The following ITPR3 variants were observed in gnomAD, a reference collection of about 807,000 sequenced individuals.
The protein encoded by ITPR3 is inositol 1,4,5-trisphosphate receptor type 3, also known as inositol 1,4,5-trisphosphate-gated calcium channel ITPR3.
ITPR3 carries 173 observed loss-of-function variants against 293.2 expected under a neutral mutation model. The observed-to-expected ratio is 0.59, with a 90% CI of 0.52 to 0.67. ITPR3 has a LOEUF of 0.67. ITPR3 is among the 30% of genes least tolerant of loss of function. ITPR3 has a pLI of 0.00. For missense variants in ITPR3, 2,796 were observed against 3,592.1 expected, an observed-to-expected ratio of 0.78 and a Z score of 5.66; for synonymous variants, 1,295 against 1,444.4, an observed-to-expected ratio of 0.90 and a Z score of 2.35.
In ITPR3 at chr6:33,623,321, G is replaced by GTTTTT. The variant is rs150420581; in HGVS notation, c.89+1634_89+1635insTTTTT. Among the ~76,000 whole-genome samples the GTTTTT allele has an allele frequency of 3.1e-4, 37 of 118,264 alleles. 8 individuals are homozygous for GTTTTT. The highest frequency in any genetic ancestry group is 6.1e-4 in the South Asian group (2 of 3,296). The allele number at this position is 118,264 out of a possible 152,430, so 77.6% of individuals were successfully genotyped here. A position where few individuals can be genotyped will look rare whatever the true frequency, so the allele number is the denominator to read the frequency against. ...CATGATGATTTTCAAGTGCCTGTGA[G>GTTTTT]TTTTGTTTTTTTTTTTTTTTTTTAA... On this transcript the variant is annotated intron_variant, in intron 1 of 57. Coordinates refer to ENST00000605930, the MANE Select transcript of ITPR3 (RefSeq NM_002224.4).
chr6:33,691,825 A>G lies in ITPR3; in HGVS notation c.7355A>G (p.Glu2452Gly). ...LEEDRELDST[E>G]RACDTLLMCI... ...GAGGACAGGGAGCTGGACAGCACAG[A>G]GCGGGCCTGTGACACTCTGTTGATG... The change falls in exon 54 of 58, where the codon GAG (glutamate) becomes GGG (glycine). Residue 2452 changes from glutamate to glycine, a missense_variant. Coordinates refer to ENST00000605930, the MANE Select transcript of ITPR3 (RefSeq NM_002224.4). This position sits in a 1 kb window ranked among gnomAD's most constrained non-coding sequence, Gnocchi z 4.9. The G allele has an allele frequency of 6.2e-7, 1 of 1,613,904 alleles. No homozygotes were observed. Among genetic ancestry groups the G allele is most frequent in the Non-Finnish European group, 8.5e-7 (1 of 1,179,952 alleles).
chr6:33,694,091 G>A (rs1269409796), intron 56 of ITPR3, among the ~76,000 whole-genome samples: 4 of 152,196 alleles, frequency 2.6e-5, no homozygotes, highest in African/African-American at 4.8e-5. Flanking sequence ...GACCCTGCCC[G>A]TGGCCAGTGA....
At position 33,680,579 on chromosome 6, in the gene ITPR3, G is replaced by A. The variant is rs755225284; in HGVS notation, c.4375G>A (p.Val1459Met). Reference protein sequence around the residue: ...ARVCSKREKRVADPTLEKYVL... With the variant: ...ARVCSKREKRMADPTLEKYVL... ...GGTCTGCAGCAAGCGTGAGAAGCGC[G>A]TGGCTGACCCCACCTTGGAGAAGTA... The change falls in exon 33 of 58, where the codon GTG (valine) becomes ATG (methionine). Residue 1459 changes from valine to methionine, a missense_variant. Transcript: ENST00000605930. 9.4e-5 allele frequency: 151 copies of A among 1,613,940 alleles called. No individual in the cohort carries two copies. Among genetic ancestry groups the A allele is most frequent in the Non-Finnish European group, 1.2e-4 (144 of 1,180,016 alleles).
At position 33,692,442 on chromosome 6, in the gene ITPR3, C is replaced by T. The variant is rs113640642; in HGVS notation, c.7459-286C>T. On this transcript the variant is annotated intron_variant, in intron 54 of 57. Coordinates refer to ENST00000605930, the MANE Select transcript of ITPR3 (RefSeq NM_002224.4). This position sits in a 1 kb window ranked among gnomAD's most constrained non-coding sequence, Gnocchi z 4.2. ...TTAGGGGCAGAGACACACCGAGACT[C>T]GTAGCCCTACCTCCCCGCCAGACTC... Among the ~76,000 whole-genome samples, 1,114 of 152,252 alleles carry T rather than the reference C, an allele frequency of 7.3e-3. 6 individuals are homozygous for T. The highest frequency in any genetic ancestry group is 0.011 in the Non-Finnish European group (734 of 68,022).
chr6:33,669,162 C>T lies in ITPR3; in HGVS notation c.2189+6C>T, dbSNP rs1764693012. 1.9e-6 allele frequency: 3 copies of T among 1,611,462 alleles called. No homozygotes were observed. The highest frequency in any genetic ancestry group is 2.5e-6 in the Non-Finnish European group (3 of 1,178,880). On this transcript the variant is annotated splice_donor_region_variant and intron_variant, in intron 18 of 57. Coordinates refer to ENST00000605930, the MANE Select transcript of ITPR3 (RefSeq NM_002224.4). ...AATGTGCTCAGCTACTACAGGTGCC[C>T]CGCCCCAGCTCCTCCCCTCCCTCTT...
intron 55 of ITPR3, among the ~76,000 whole-genome samples, chr6:33,693,339 G>A (rs1765447043): frequency 6.6e-6 from 1 of 152,162 alleles, no homozygotes; most frequent in African/African-American, 2.4e-5. Flanking sequence ...TGCTGCGGGA[G>A]GGCTGCAGCT....
Position 33,685,623 on chromosome 6 carries a change from TCACCAGGTCTCGCC to T in ITPR3, c.5483-16_5483-3del. On this transcript the variant is annotated splice_region_variant and splice_polypyrimidine_tract_variant and intron_variant, in intron 40 of 57. Transcript: ENST00000605930. ...GCCAAGGGGGTGGGCAGCTCCAGCC[TCACCAGGTCTCGCC>T]CACAGGCCGCGTGGCCTCCTTCTCG... 1 of 1,581,600 alleles carries T rather than the reference TCACCAGGTCTCGCC, an allele frequency of 6.3e-7. No homozygotes were observed.
intron 43 of ITPR3, among the ~76,000 whole-genome samples, 195 bp from the exon 44 acceptor site, chr6:33,686,814 G>T (rs943470): frequency 0.013 from 1,988 of 151,920 alleles, 19 homozygotes; most frequent in Middle Eastern, 0.027. Context: ...GCCACAGCGG[G>T]GGTGAAGGCA....
intron 55 of ITPR3, 86 bp from the exon 56 acceptor site, chr6:33,693,459 C>G: frequency 6.9e-7 from 1 of 1,447,272 alleles, no homozygotes; most frequent in South Asian, 1.2e-5. Flanking sequence ...TGCCTCCAAC[C>G]CCCGGAAGCT....
chr6:33,651,120 A>T lies in ITPR3; in HGVS notation c.161-4646A>T, dbSNP rs1001028667. Among the ~76,000 whole-genome samples the T allele has an allele frequency of 2.0e-5, 3 of 151,546 alleles. No individual in the cohort carries two copies. In the South Asian group the frequency reaches 6.3e-4, roughly 32 times the overall value. On this transcript the variant is annotated intron_variant, in intron 2 of 57. Transcript: ENST00000605930. ...TGAAACCTCGTCTCTACTGAAAAAT[A>T]CAAAAAATTAGCCGGGCGTGGTGGC...
chr6:33,688,108 G>A lies in ITPR3; in HGVS notation c.6316G>A (p.Ala2106Thr). 1 of 1,614,134 alleles carries A rather than the reference G, an allele frequency of 6.2e-7. No individual in the cohort carries two copies. Among genetic ancestry groups the A allele is most frequent in the Non-Finnish European group, 8.5e-7 (1 of 1,180,018 alleles). The change falls in exon 47 of 58, where the codon GCA becomes ACA. Residue 2106 changes from alanine (A) to threonine (T), a missense_variant. This residue lies in a region of ITPR3 where 568 missense variants were observed against 796.1 expected (regional missense o/e 0.71). Coordinates refer to ENST00000605930, the MANE Select transcript of ITPR3 (RefSeq NM_002224.4). Reference sequence around the variant, plus strand: ...ACAGATGCTCAAGTCCTCAGCGCCAGCACAGGAGGAGGAGGAAGACCCCCT... The same window carrying A: ...ACAGATGCTCAAGTCCTCAGCGCCAACACAGGAGGAGGAGGAAGACCCCCT... ...LSQMLKSSAP[A>T]QEEEEDPLAY...
rs182089038 is a variant in ITPR3 at position 33,686,036 on chromosome 6, C to A, written c.5668-17C>A. On this transcript the variant is annotated splice_polypyrimidine_tract_variant and intron_variant, in intron 41 of 57. Transcript: ENST00000605930. Reference sequence around the variant, plus strand: ...GTGCTGTAGCTGTGCTGTGCCCAACCCTTCTGTGCCCCGCAGAACTTCCTG... The same window carrying A: ...GTGCTGTAGCTGTGCTGTGCCCAACACTTCTGTGCCCCGCAGAACTTCCTG... 8.2e-5 allele frequency: 133 copies of A among 1,613,470 alleles called. No individual in the cohort carries two copies. The African/African-American group carries it at 1.5e-3, about 18-fold the overall frequency.
At chr6:33,662,472 G>A in intron 7 of ITPR3, 56 bp from the exon 8 acceptor site, 1 of 1,528,028 alleles carries the variant, frequency 6.5e-7, no homozygotes, top group Non-Finnish European at 8.8e-7. Context: ...GCCCTGGGTG[G>A]GTCCTTGAGC....
chr6:33,682,655 C>T lies in ITPR3; in HGVS notation c.4597+11C>T, dbSNP rs201376860. The T allele has an allele frequency of 8.8e-5, 140 of 1,590,274 alleles. No individual in the cohort carries two copies. The African/African-American group carries it at 1.0e-3, about 11-fold the overall frequency. ...CCCTCGCCATGGTGGGTGAGTGTGCCGGGGCACTGGCCAGCCCCAAACCAC... is the reference window on the plus strand; with the variant it reads ...CCCTCGCCATGGTGGGTGAGTGTGCTGGGGCACTGGCCAGCCCCAAACCAC... On this transcript the variant is annotated intron_variant, in intron 34 of 57. Coordinates refer to ENST00000605930, the MANE Select transcript of ITPR3 (RefSeq NM_002224.4). The surrounding 1 kb of genome is among the most constrained non-coding windows in gnomAD (Gnocchi z 5.4).
intron 6 of ITPR3, 106 bp from the exon 7 acceptor site, chr6:33,659,360 C>A (rs1764397111): frequency 1.9e-6 from 2 of 1,079,630 alleles, no homozygotes; most frequent in Non-Finnish European, 2.8e-6. Flanking sequence ...GACACCCTGT[C>A]CTTGTGCTGT....
chr6:33,642,021 T>C (rs1763963832), intron 2 of ITPR3, among the ~76,000 whole-genome samples: 1 of 136,478 alleles, frequency 7.3e-6, no homozygotes, highest in African/African-American at 2.9e-5. Context: ...TTCTGTGTTT[T>C]TGTTGTTGTT....
rs1296521934 is a variant in ITPR3, at chr6:33,663,729, C to T, written c.1006-9C>T. 3 of 1,613,320 alleles carry T rather than the reference C, an allele frequency of 1.9e-6. No homozygotes were observed. Among genetic ancestry groups the T allele is most frequent in the Non-Finnish European group, 2.5e-6 (3 of 1,179,866 alleles). On this transcript the variant is annotated splice_polypyrimidine_tract_variant and intron_variant, in intron 10 of 57. Transcript: ENST00000605930. ...AGGGCCTTCTACCTGATTTGGGGTC[C>T]TCATCCAGGGGGCACAGGGCCGCAC... is the stretch of plus-strand genomic sequence containing the variant.
In ITPR3 at chr6:33,683,399, T is replaced by TG. The variant is rs1352480779; in HGVS notation, c.4788+5dup. On this transcript the variant is annotated splice_region_variant and intron_variant, in intron 35 of 57. Coordinates refer to ENST00000605930, the MANE Select transcript of ITPR3 (RefSeq NM_002224.4). This position sits in a 1 kb window ranked among gnomAD's most constrained non-coding sequence, Gnocchi z 4.5. ...AAGAACATCATTGAGAAGCTGCAGG[T>TG]GGGTGTGGGGCTGCCTGGCATCTGC... 8 of 1,554,706 alleles carry TG rather than the reference T, an allele frequency of 5.1e-6. No individual in the cohort carries two copies. In the African/African-American group the frequency reaches 9.5e-5, roughly 18 times the overall value.
chr6:33,684,294 T>C lies in ITPR3; in HGVS notation c.4938-63T>C. 1 of 1,591,582 alleles carries C rather than the reference T, an allele frequency of 6.3e-7. No homozygotes were observed. Among genetic ancestry groups the C allele is most frequent in the Non-Finnish European group, 8.6e-7 (1 of 1,161,906 alleles). On this transcript the variant is annotated intron_variant, in intron 36 of 57. Coordinates refer to ENST00000605930, the MANE Select transcript of ITPR3 (RefSeq NM_002224.4). The surrounding 1 kb of genome is among the most constrained non-coding windows in gnomAD (Gnocchi z 4.2). ...GGGGGTGTTCCTGCCTGGGATGGGG[T>C]GGGGAAGTAGCTGGAGGGAGGCAGT...
Sources: allele counts gnomAD v4.1 joint callset (sites outside exome capture counted in the v4.1 genomes callset), GRCh38; gene constraint gnomAD v4.1.1; regional missense constraint gnomAD v4.1.1; non-coding constraint Gnocchi (gnomAD v3.1); transcripts MANE v1.5; gene names NCBI Gene and HGNC (gene_info 2026-07-23, HGNC 2026-07-21).